The following NRXN3 variants were observed in gnomAD, a reference collection of about 807,000 sequenced individuals.
NRXN3 encodes the protein neurexin 3, also known as neurexin III.
A neutral mutation model predicts 137.6 loss-of-function variants in NRXN3; 32 were observed. That is an observed-to-expected ratio of 0.23 (90% CI 0.18 to 0.31). NRXN3 has a LOEUF of 0.31. Ranked by LOEUF, NRXN3 falls within the 10% of genes least tolerant of loss-of-function variation. The pLI, the probability that NRXN3 is intolerant of heterozygous loss-of-function variation, is 1.00. For missense variants in NRXN3, 1,574 were observed against 2,062.5 expected, an observed-to-expected ratio of 0.76 and a Z score of 4.59; for synonymous variants, 798 against 784.5, an observed-to-expected ratio of 1.02 and a Z score of -0.29.
chr14:79,666,600 T>C (rs2098558108), intron 17 of NRXN3, among the ~76,000 whole-genome samples: 1 of 152,050 alleles, frequency 6.6e-6, no homozygotes, highest in African/African-American at 2.4e-5. Context: ...ATTTTTCTGT[T>C]TCCAATTGGG....
intron 15 of NRXN3, among the ~76,000 whole-genome samples, chr14:79,441,586 T>C (rs1024363076): frequency 6.6e-6 from 1 of 151,794 alleles, no homozygotes; most frequent in African/African-American, 2.4e-5. Flanking sequence ...TTCACCGTGT[T>C]AGCCAGGATG....
chr14:79,807,815 C>A (rs917835620), intron 20 of NRXN3, among the ~76,000 whole-genome samples: 1 of 152,078 alleles, frequency 6.6e-6, no homozygotes, highest in African/African-American at 2.4e-5. Flanking sequence ...TTGCATTTTT[C>A]TAATTTTATT....
At chr14:78,771,050 T>C (rs557065022) in intron 8 of NRXN3, among the ~76,000 whole-genome samples, 10 of 152,352 alleles carry the variant, frequency 6.6e-5, no homozygotes, top group Admixed American at 5.2e-4. Flanking sequence ...CCCCTTATTT[T>C]AGTCTCCTGG....
At chr14:78,488,271 G>A (rs550914072) in intron 4 of NRXN3, among the ~76,000 whole-genome samples, 4 of 152,302 alleles carry the variant, frequency 2.6e-5, no homozygotes, top group Admixed American at 6.5e-5. Context: ...GTCACATTCT[G>A]AGGTCCTGAA....
At position 79,265,516 on chromosome 14, in the gene NRXN3, C is replaced by A. The variant is rs140278475; in HGVS notation, c.3263-201705C>A. On this transcript the variant is annotated intron_variant, in intron 15 of 20. Coordinates refer to ENST00000335750, the MANE Select transcript of NRXN3 (RefSeq NM_001330195.2). ...TTGCTGGATGTTCTTATTCTTAAAGCCTCACCACGATTCTATGGCTGTATA... is the reference window on the plus strand; with the variant it reads ...TTGCTGGATGTTCTTATTCTTAAAGACTCACCACGATTCTATGGCTGTATA... Among the ~76,000 whole-genome samples the A allele has an allele frequency of 1.9e-4, 29 of 152,098 alleles. No homozygotes were observed. The East Asian group carries it at 5.6e-3, about 29-fold the overall frequency.
chr14:78,945,265 T>A (rs1042692525), intron 10 of NRXN3, among the ~76,000 whole-genome samples: 2 of 152,224 alleles, frequency 1.3e-5, no homozygotes, highest in Non-Finnish European at 2.9e-5. Context: ...AGCAGTTTGA[T>A]GAATATTTAA....
At chr14:79,438,443 G>A (rs2095878013) in intron 15 of NRXN3, among the ~76,000 whole-genome samples, 1 of 152,180 alleles carries the variant, frequency 6.6e-6, no homozygotes, top group Admixed American at 6.5e-5. Context: ...GGCTTCCAAA[G>A]TGGTTCCAGG....
rs185377663 is a variant in NRXN3 at position 78,906,453 on chromosome 14, A to G, written c.2276-50789A>G. On this transcript the variant is annotated intron_variant, in intron 10 of 20. Coordinates refer to ENST00000335750, the MANE Select transcript of NRXN3 (RefSeq NM_001330195.2). ...CTGACACCACTCAAATATCATCTCC[A>G]CCACCAACTTGCCTTGATCCCTAGA... Among the ~76,000 whole-genome samples, 39 of 152,044 alleles carry G rather than the reference A, an allele frequency of 2.6e-4. No individual in the cohort carries two copies. The East Asian group carries it at 7.0e-3, about 27-fold the overall frequency.
At position 78,801,050 on chromosome 14, in the gene NRXN3, A is replaced by G. The variant is rs2098837290; in HGVS notation, c.2045-2570A>G. Among the ~76,000 whole-genome samples the G allele has an allele frequency of 1.3e-5, 2 of 152,034 alleles. 1 individual carries two copies. The highest frequency in any genetic ancestry group is 4.2e-4 in the South Asian group (2 of 4,818). On this transcript the variant is annotated intron_variant, in intron 8 of 20. Transcript: ENST00000335750. ...TAAAGAAATACATGAGGCCGGGCGC[A>G]GTGGCTCACGCCTGTAATCCCAGCA...
intron 15 of NRXN3, among the ~76,000 whole-genome samples, chr14:79,356,275 T>G (rs1039593419): frequency 6.6e-6 from 1 of 152,176 alleles, no homozygotes; most frequent in Non-Finnish European, 1.5e-5. Context: ...TGTCTTTTGT[T>G]TGGAGTATGT....
intron 8 of NRXN3, among the ~76,000 whole-genome samples, chr14:78,759,914 A>T (rs1180365257): frequency 1.3e-5 from 2 of 151,964 alleles, no homozygotes; most frequent in Non-Finnish European, 2.9e-5. Context: ...GCATTTCTAG[A>T]TGATATGTCC....
intron 19 of NRXN3, among the ~76,000 whole-genome samples, chr14:79,729,120 G>C (rs2098911091): frequency 6.6e-6 from 1 of 152,126 alleles, no homozygotes; most frequent in Non-Finnish European, 1.5e-5. Context: ...CCAAGTGTCT[G>C]TATCATTAAT....
chr14:79,178,095 C>G (rs2062537074), intron 15 of NRXN3, among the ~76,000 whole-genome samples: 1 of 152,198 alleles, frequency 6.6e-6, no homozygotes, highest in South Asian at 2.1e-4. Context: ...ACATAGGCAT[C>G]ACTGGGTGGG....
At chr14:78,433,610 G>T (rs187376519) in intron 4 of NRXN3, among the ~76,000 whole-genome samples, 2 of 152,262 alleles carry the variant, frequency 1.3e-5, no homozygotes. Context: ...CATTGAAGTA[G>T]GTTCCTGATG....
chr14:79,441,753 A>G (rs982640713), intron 15 of NRXN3, among the ~76,000 whole-genome samples: 2 of 151,800 alleles, frequency 1.3e-5, no homozygotes, highest in Admixed American at 1.3e-4. Flanking sequence ...AGAAAAGCAT[A>G]TTCTTTCTTC....
At chr14:78,668,522 G>A (rs967962694) in intron 6 of NRXN3, among the ~76,000 whole-genome samples, 1 of 152,132 alleles carries the variant, frequency 6.6e-6, no homozygotes, top group African/African-American at 2.4e-5. Flanking sequence ...TGGTTGGAGG[G>A]GAGTAAAGGG....
intron 2 of NRXN3, among the ~76,000 whole-genome samples, chr14:78,246,910 C>T (rs2067774378): frequency 6.6e-6 from 1 of 152,230 alleles, no homozygotes; most frequent in Non-Finnish European, 1.5e-5. Flanking sequence ...GACCAGGGGG[C>T]TTATTCCCAG....
chr14:78,381,908 G>T (rs1202702337), intron 4 of NRXN3, among the ~76,000 whole-genome samples: 1 of 152,138 alleles, frequency 6.6e-6, no homozygotes, highest in African/African-American at 2.4e-5. Flanking sequence ...GAACAGGTTA[G>T]TGGTTTCCAC....
At chr14:79,344,163 G>T (rs2092753523) in intron 15 of NRXN3, among the ~76,000 whole-genome samples, 1 of 152,098 alleles carries the variant, frequency 6.6e-6, no homozygotes, top group Non-Finnish European at 1.5e-5. Flanking sequence ...TTCTACTGAG[G>T]CAAGCCCTGA....
Sources: allele counts gnomAD v4.1 joint callset (sites outside exome capture counted in the v4.1 genomes callset), GRCh38; gene constraint gnomAD v4.1.1; transcripts MANE v1.5; gene names NCBI Gene and HGNC (gene_info 2026-07-23, HGNC 2026-07-21).